ARV1: variants seen among roughly 807,000 people sequenced by gnomAD.
The protein encoded by ARV1 is protein ARV1.
ARV1 carries 26 observed loss-of-function variants against 31.1 expected under a neutral mutation model. The observed-to-expected ratio is 0.84, with a 90% CI of 0.61 to 1.16. ARV1 has a LOEUF of 1.16. Among genes scored for constraint, ARV1 ranks in the 50% most tolerant of loss-of-function variants. The probability of loss-of-function intolerance (pLI) is 0.00; values close to 1 mark genes in which losing one functional copy is unlikely to be tolerated. For missense variants in ARV1, 281 were observed against 324.9 expected, an observed-to-expected ratio of 0.86 and a Z score of 1.04; for synonymous variants, 117 against 123.2, an observed-to-expected ratio of 0.95 and a Z score of 0.34.
intron 4 of ARV1, 53 bp from the exon 5 acceptor site, chr1:230,997,066 CAT>C: frequency 1.9e-6 from 3 of 1,574,970 alleles, no homozygotes; most frequent in Non-Finnish European, 2.6e-6. Context: ...CGAAAATTTA[CAT>C]GTCAATATCG....
chr1:230,998,524 T>TGTAA (rs1259195252), intron 5 of ARV1, among the ~76,000 whole-genome samples: 2 of 152,180 alleles, frequency 1.3e-5, no homozygotes, highest in Non-Finnish European at 2.9e-5. Flanking sequence ...GAACAGTTGA[T>TGTAA]GTAAGCCTGC....
At chr1:230,996,041 C>T in intron 4 of ARV1, 57 bp downstream of exon 4, 1 of 1,478,702 alleles carries the variant, frequency 6.8e-7, no homozygotes. Context: ...AAGCTTAAAG[C>T]CTTGTTTCTG....
chr1:230,988,298 A>G lies in ARV1; in HGVS notation c.175-22A>G, dbSNP rs368948764. On this transcript the variant is annotated intron_variant, in intron 1 of 5. Transcript: ENST00000310256. ...AGAAAGTATACATTTGCTTGTTCTA[A>G]TATTATCTTGTATTATTTCAGAAAT... 5 of 1,576,476 alleles carry G rather than the reference A, an allele frequency of 3.2e-6. No individual in the cohort carries two copies. In the African/African-American group the frequency reaches 6.8e-5, roughly 21 times the overall value.
chr1:230,984,363 C>CGTGCGTGT (rs1678997025), intron 1 of ARV1, among the ~76,000 whole-genome samples: 18 of 129,840 alleles, frequency 1.4e-4, no homozygotes, highest in South Asian at 1.3e-3. Flanking sequence ...TGTGTGTGTG[C>CGTGCGTGT]GTGTGTGTGT....
chr1:230,986,467 C>G (rs143479249), intron 1 of ARV1, among the ~76,000 whole-genome samples: 1 of 152,124 alleles, frequency 6.6e-6, no homozygotes, highest in East Asian at 1.9e-4. Flanking sequence ...ACACTCGCAA[C>G]TCTTCTATTT....
intron 5 of ARV1, chr1:230,999,700 A>G (rs1679470056): frequency 6.6e-6 from 1 of 152,180 alleles, no homozygotes. Context: ...AGACTTTCCA[A>G]AAACTCCAGT....
intron 5 of ARV1, among the ~76,000 whole-genome samples, chr1:230,998,700 G>T (rs182786455): frequency 6.6e-6 from 1 of 150,840 alleles, no homozygotes; most frequent in African/African-American, 2.4e-5. Context: ...GAGCCCAGGA[G>T]ATCAAGACCA....
chr1:230,982,751 A>G (rs1452053486), intron 1 of ARV1, among the ~76,000 whole-genome samples: 2 of 152,216 alleles, frequency 1.3e-5, no homozygotes, highest in Non-Finnish European at 2.9e-5. Flanking sequence ...TGCCAGACTA[A>G]AAAATTAAAC....
chr1:230,990,536 G>A, intron 3 of ARV1: 1 of 308,050 alleles, frequency 3.2e-6, no homozygotes, highest in Non-Finnish European at 5.9e-6. Flanking sequence ...CAATATTGTT[G>A]ATAAAATTCT....
chr1:230,990,103 C>T lies in ARV1; in HGVS notation c.295-7C>T. 6.3e-7 allele frequency: 1 copy of T among 1,599,162 alleles called. No individual in the cohort carries two copies. The highest frequency in any genetic ancestry group is 8.5e-7 in the Non-Finnish European group (1 of 1,175,226). On this transcript the variant is annotated splice_region_variant and splice_polypyrimidine_tract_variant and intron_variant, in intron 2 of 5. Transcript: ENST00000310256. ...CCTAATTGAATGGCAATGTCTTTGA[C>T]TATCAGATCCATGGAAAACTCTGCA... is the stretch of plus-strand genomic sequence containing the variant.
Position 230,994,208 on chromosome 1 carries a change from G to A in ARV1, c.449-1552G>A, listed in dbSNP as rs185658373. Among the ~76,000 whole-genome samples the A allele has an allele frequency of 8.6e-3, 1,305 of 152,264 alleles. 13 individuals carry two copies. The highest frequency in any genetic ancestry group is 0.029 in the African/African-American group (1,201 of 41,544). On this transcript the variant is annotated intron_variant, in intron 3 of 5. Coordinates refer to ENST00000310256, the MANE Select transcript of ARV1 (RefSeq NM_022786.3). ...GGGCTGGTGTAGTTCCATAAATCTC[G>A]TAAATCCTAAATTTAAAAGATGTGG...
chr1:230,990,608 G>A (rs1422480815), intron 3 of ARV1: 2 of 317,426 alleles, frequency 6.3e-6, no homozygotes, highest in South Asian at 2.7e-5. Flanking sequence ...AGGCTGGAGT[G>A]CAGTGGCACA....
chr1:230,995,257 T>C (rs1390997457), intron 3 of ARV1, among the ~76,000 whole-genome samples: 1 of 152,176 alleles, frequency 6.6e-6, no homozygotes, highest in Non-Finnish European at 1.5e-5. Context: ...GTTGTTAAAA[T>C]GAGTAAAGGA....
At position 230,988,371 on chromosome 1, in the gene ARV1, A is replaced by C. The variant is rs1046988281; in HGVS notation, c.226A>C (p.Ile76Leu). The part of the protein sequence containing the change: ...DKYIEYDPVI[I>L]LINAILCKAQ... ...ATATATCGAGTATGATCCTGTTATC[A>C]TCTTGATTAATGCTATATTGTGCAA... Residue 76 changes from isoleucine to leucine, a missense_variant, in exon 2 of 6, where the codon ATC (isoleucine) becomes CTC (leucine). Physicochemically the swap from Ile to Leu is conservative, Grantham distance 5. Transcript: ENST00000310256. 1 of 1,594,508 alleles carries C rather than the reference A, an allele frequency of 6.3e-7. No individual in the cohort carries two copies. The highest frequency in any genetic ancestry group is 8.6e-7 in the Non-Finnish European group (1 of 1,164,288).
intron 4 of ARV1, 78 bp downstream of exon 4, chr1:230,996,062 T>C: frequency 8.4e-7 from 1 of 1,189,310 alleles, no homozygotes; most frequent in South Asian, 1.4e-5. Context: ...GGGTGCAGTT[T>C]TTATATAACC....
At chr1:230,994,977 A>G (rs1046430669) in intron 3 of ARV1, among the ~76,000 whole-genome samples, 4 of 152,276 alleles carry the variant, frequency 2.6e-5, no homozygotes, top group African/African-American at 7.2e-5. Flanking sequence ...GATTCTGCAG[A>G]AACCTAAACT....
At chr1:230,979,321 G>T (rs372538095) in intron 1 of ARV1, 42 bp downstream of exon 1, 7 of 1,607,958 alleles carry the variant, frequency 4.4e-6, no homozygotes, top group Middle Eastern at 1.6e-4. Flanking sequence ...AGAAAATGGC[G>T]CGGCGGGATT....
At chr1:230,988,952 T>C (rs930149374) in intron 2 of ARV1, among the ~76,000 whole-genome samples, 4 of 152,194 alleles carry the variant, frequency 2.6e-5, no homozygotes, top group African/African-American at 7.2e-5. Flanking sequence ...TTGTGAGCTC[T>C]TTAATAGTTT....
In ARV1 at chr1:230,988,431, CAAAT is replaced by C. The variant is rs1269065997; in HGVS notation, c.291_294del (p.Asn98SerfsTer16). On this transcript the variant is annotated frameshift_variant, in exon 2 of 6. Coordinates refer to ENST00000310256, the MANE Select transcript of ARV1 (RefSeq NM_022786.3). LOFTEE classifies it high-confidence loss of function. ...CTACAGACATATTCTTTTCAATACT[CAAAT>C]AAATGTAAGTTGTGATAATTTCATT... 2 of 1,544,286 alleles carry C rather than the reference CAAAT, an allele frequency of 1.3e-6. No homozygotes were observed. Among genetic ancestry groups the C allele is most frequent in the Non-Finnish European group, 1.8e-6 (2 of 1,142,390 alleles).
Sources: allele counts gnomAD v4.1 joint callset (sites outside exome capture counted in the v4.1 genomes callset), GRCh38; gene constraint gnomAD v4.1.1; transcripts MANE v1.5; gene names NCBI Gene and HGNC (gene_info 2026-07-23, HGNC 2026-07-21).